Variants in MERTK observed in about 807,000 individuals in gnomAD.
MERTK encodes MER proto-oncogene, tyrosine kinase.
Under a neutral mutation model 99.3 loss-of-function variants are expected in MERTK, and 69 were observed. The observed-to-expected ratio is 0.70, with a 90% CI of 0.57 to 0.85. MERTK has a LOEUF of 0.85. Ranked by LOEUF, MERTK falls within the 40% of genes least tolerant of loss-of-function variation. MERTK has a pLI of 0.00. For synonymous variants in MERTK, 426 were observed against 467.6 expected (o/e 0.91, Z 1.15); for missense variants, 1,125 against 1,249.4 (o/e 0.90, Z 1.50).
intron 2 of MERTK, among the ~76,000 whole-genome samples, chr2:111,939,544 G>A (rs530998251): frequency 2.0e-5 from 3 of 151,582 alleles, no homozygotes; most frequent in South Asian, 2.1e-4. Context: ...TGCAGTGTGC[G>A]ATCATAGCCC....
intron 4 of MERTK, among the ~76,000 whole-genome samples, chr2:111,950,916 T>A (rs1230500071): frequency 6.6e-6 from 1 of 152,204 alleles, no homozygotes; most frequent in African/African-American, 2.4e-5. Flanking sequence ...TATCTCTTCA[T>A]TTATTTAGGT....
At chr2:111,960,869 G>A (rs1022152948) in intron 4 of MERTK, among the ~76,000 whole-genome samples, 2 of 151,612 alleles carry the variant, frequency 1.3e-5, no homozygotes, top group Admixed American at 6.6e-5. Context: ...ATTTAAGGAT[G>A]CAAACTTCAA....
chr2:111,921,046 G>T (rs1411113885), intron 1 of MERTK, among the ~76,000 whole-genome samples: 1 of 152,188 alleles, frequency 6.6e-6, no homozygotes, highest in Admixed American at 6.5e-5. Context: ...GCCTCAGCTA[G>T]CTGTGGGGGT....
chr2:112,005,707 A>G (rs1426254498), intron 13 of MERTK, among the ~76,000 whole-genome samples: 1 of 152,152 alleles, frequency 6.6e-6, no homozygotes. Context: ...GTTTGTCAAT[A>G]TTCTTGATGT....
chr2:111,992,243 G>A (rs1423575554), intron 8 of MERTK, among the ~76,000 whole-genome samples: 3 of 151,840 alleles, frequency 2.0e-5, no homozygotes, highest in African/African-American at 4.8e-5. Flanking sequence ...TGCCTTTTTT[G>A]TCCAATCACA....
intron 3 of MERTK, among the ~76,000 whole-genome samples, chr2:111,947,002 C>A (rs954796972): frequency 1.3e-5 from 2 of 152,140 alleles, no homozygotes; most frequent in African/African-American, 4.8e-5. Flanking sequence ...AGGCTGGGCG[C>A]GGTGGCACGC....
chr2:112,019,209 G>C lies in MERTK; in HGVS notation c.2080-204G>C. ...AAAGATGGGGAAAAGAGAATATGAT[G>C]TTTGCCAAGAAGTTTAAGGTTTTTC... On this transcript the variant is annotated intron_variant, in intron 15 of 18. Transcript: ENST00000295408. 4.3e-6 allele frequency: 3 copies of C among 692,672 alleles called. No individual in the cohort carries two copies. In the Admixed American group the frequency reaches 6.1e-5, roughly 14 times the overall value. The allele number at this position is 692,672 out of a possible 1,614,324, so 42.9% of individuals were successfully genotyped here.
rs539686044 is a variant in MERTK, at chr2:111,942,042, TCCCCTCAGGCTG to T, written c.483-2915_483-2904del. Among the ~76,000 whole-genome samples the T allele has an allele frequency of 1.4e-3, 214 of 152,270 alleles. 2 individuals are homozygous for T. Among genetic ancestry groups the T allele is most frequent in the African/African-American group, 4.6e-3 (191 of 41,552 alleles). On this transcript the variant is annotated intron_variant, in intron 2 of 18. Coordinates refer to ENST00000295408, the MANE Select transcript of MERTK (RefSeq NM_006343.3). ...CTTTGTACCTCTGGTCTGGGTGCAG[TCCCCTCAGGCTG>T]CCTTCCTGGGGCTGTGCCCCACCTC...
chr2:111,950,966 G>C (rs1049835699), intron 4 of MERTK, among the ~76,000 whole-genome samples: 10 of 152,008 alleles, frequency 6.6e-5, no homozygotes, highest in African/African-American at 2.4e-4. Flanking sequence ...AGTTTTTGTT[G>C]TAGAGGTCTT....
intron 6 of MERTK, among the ~76,000 whole-genome samples, chr2:111,968,971 T>C (rs1456650732): frequency 1.3e-5 from 2 of 152,342 alleles, no homozygotes; most frequent in East Asian, 3.9e-4. Flanking sequence ...AGGTCGTCTG[T>C]GCTACTGAGC....
intron 6 of MERTK, among the ~76,000 whole-genome samples, chr2:111,973,676 T>C (rs1288130229): frequency 6.6e-6 from 1 of 152,144 alleles, no homozygotes; most frequent in Non-Finnish European, 1.5e-5. Flanking sequence ...CCGATATCAT[T>C]TTGTCTGTTC....
chr2:112,011,729 C>T (rs1261939672), intron 15 of MERTK, among the ~76,000 whole-genome samples: 1 of 152,032 alleles, frequency 6.6e-6, no homozygotes, highest in African/African-American at 2.4e-5. Context: ...CCAGCCTGGG[C>T]GACAGAGTGA....
intron 11 of MERTK, among the ~76,000 whole-genome samples, chr2:112,001,825 G>A (rs558464295): frequency 6.6e-6 from 1 of 152,240 alleles, no homozygotes; most frequent in African/African-American, 2.4e-5. Context: ...GCTTCTGGAT[G>A]TTTGCCCCCA....
At chr2:111,990,741 G>A (rs1039170213) in intron 8 of MERTK, among the ~76,000 whole-genome samples, 1 of 152,102 alleles carries the variant, frequency 6.6e-6, no homozygotes, top group Admixed American at 6.5e-5. Context: ...TATTTACTTA[G>A]CATTTCCTTT....
At chr2:111,959,740 C>A (rs1435189734) in intron 4 of MERTK, among the ~76,000 whole-genome samples, 1 of 152,170 alleles carries the variant, frequency 6.6e-6, no homozygotes, top group Non-Finnish European at 1.5e-5. Flanking sequence ...AGCAATCCTC[C>A]TGCCTCAGCC....
chr2:112,021,365 CCAGTAATTTAAGG>C, intron 16 of MERTK, 44 bp from the exon 17 acceptor site: 2 of 1,608,770 alleles, frequency 1.2e-6, no homozygotes, highest in Non-Finnish European at 1.7e-6. Context: ...CTGATACAGA[CCAGTAATTTAAGG>C]CATTGCCTCT....
chr2:111,935,341 C>G (rs1573582736), intron 2 of MERTK, among the ~76,000 whole-genome samples: 1 of 152,272 alleles, frequency 6.6e-6, no homozygotes, highest in East Asian at 1.9e-4. Flanking sequence ...AATCAAACGT[C>G]AGGTGCGGCA....
At chr2:111,939,192 G>A (rs543787375) in intron 2 of MERTK, among the ~76,000 whole-genome samples, 14 of 152,222 alleles carry the variant, frequency 9.2e-5, no homozygotes, top group East Asian at 7.7e-4. Context: ...GCGACTCTGC[G>A]GGGTCCTAAG....
At chr2:112,021,390 A>C (rs1677344727) in intron 16 of MERTK, 32 bp from the exon 17 acceptor site, 1 of 1,611,812 alleles carries the variant, frequency 6.2e-7, no homozygotes. Flanking sequence ...ATTGCCTCTG[A>C]CGCTGCTGAA....
Sources: allele counts gnomAD v4.1 joint callset (sites outside exome capture counted in the v4.1 genomes callset), GRCh38; gene constraint gnomAD v4.1.1; transcripts MANE v1.5; gene names NCBI Gene and HGNC (gene_info 2026-07-23, HGNC 2026-07-21).